Variants in MED12L observed in about 807,000 individuals in gnomAD.
MED12L encodes the protein mediator of RNA polymerase II transcription subunit 12-like protein.
In MED12L, 60 loss-of-function variants were observed where a neutral mutation model predicts 281.3. The ratio of observed to expected loss-of-function variants is 0.21; its 90% CI spans 0.17 to 0.26. MED12L has a LOEUF of 0.26. MED12L is among the 10% of genes least tolerant of loss of function. The probability of loss-of-function intolerance (pLI) is 1.00; values close to 1 mark genes in which losing one functional copy is unlikely to be tolerated. For synonymous variants in MED12L, 974 were observed against 987.2 expected (o/e 0.99, Z 0.25); for missense variants, 2,146 against 2,680.9 (o/e 0.80, Z 4.41).
At chr3:151,187,796 C>A (rs538858823) in intron 12 of MED12L, among the ~76,000 whole-genome samples, 68 of 152,296 alleles carry the variant, frequency 4.5e-4, no homozygotes, top group African/African-American at 1.6e-3. Context: ...TACCATGTTT[C>A]TCCAAAAACA....
intron 11 of MED12L, 61 bp downstream of exon 11, chr3:151,166,043 C>T (rs1357914065): frequency 6.9e-7 from 1 of 1,459,424 alleles, no homozygotes; most frequent in Admixed American, 2.0e-5. Context: ...TTTCTTCTTT[C>T]TCATTCAGGA....
intron 9 of MED12L, among the ~76,000 whole-genome samples, 169 bp downstream of exon 9, chr3:151,164,211 T>C (rs1347324367): frequency 1.3e-5 from 2 of 152,232 alleles, no homozygotes; most frequent in Admixed American, 6.5e-5. Context: ...TCAGAACCAC[T>C]GAAATTCTCG....
intron 16 of MED12L, among the ~76,000 whole-genome samples, chr3:151,224,083 A>C (rs1729976674): frequency 6.6e-6 from 1 of 152,172 alleles, no homozygotes; most frequent in Non-Finnish European, 1.5e-5. Context: ...TAGTGTCTGC[A>C]CTTCTGTTTT....
chr3:151,158,676 T>C lies in MED12L; in HGVS notation c.727-13T>C. 1.3e-6 allele frequency: 2 copies of C among 1,551,858 alleles called. No individual in the cohort carries two copies. Among genetic ancestry groups the C allele is most frequent in the Non-Finnish European group, 1.8e-6 (2 of 1,129,628 alleles). On this transcript the variant is annotated splice_polypyrimidine_tract_variant and intron_variant, in intron 6 of 44. Transcript: ENST00000687756. The stretch of plus-strand genomic sequence containing the variant: ...TTAACATTATTAATGTAATTTTTCT[T>C]TGTTCATTTAAGGAAGGAATGTTAG...
chr3:151,402,400 G>C (rs1254564800), intron 39 of MED12L, among the ~76,000 whole-genome samples: 2 of 152,178 alleles, frequency 1.3e-5, no homozygotes, highest in Non-Finnish European at 2.9e-5. Context: ...AATATTTGCT[G>C]TCTACTGTGA....
intron 16 of MED12L, among the ~76,000 whole-genome samples, chr3:151,345,727 A>C (rs1337918412): frequency 6.6e-6 from 1 of 151,984 alleles, no homozygotes; most frequent in Non-Finnish European, 1.5e-5. Flanking sequence ...CATGTTGGCC[A>C]GGCTGGTCTC....
In MED12L at chr3:151,307,533, CTGTGTGTGTGTGTGTGTGTGTG is replaced by C. The variant is rs67391329; in HGVS notation, c.2251-42494_2251-42473del. 2.3e-3 allele frequency among the ~76,000 whole-genome samples: 322 copies of C among 137,800 alleles called. 3 individuals are homozygous for C. Among genetic ancestry groups the C allele is most frequent in the Admixed American group, 2.2e-3 (31 of 13,908 alleles). The allele number at this position is 137,800 out of a possible 152,430, so 90.4% of individuals were successfully genotyped here. On this transcript the variant is annotated intron_variant, in intron 16 of 44. Coordinates refer to ENST00000687756, the MANE Select transcript of MED12L (RefSeq NM_001393769.1). ...TTTAGGTGACCTCAGGTAACTTGCTCTGTGTGTGTGTGTGTGTGTGTGTGTGTGTGTGTGTGTGTGTGTGTGT... is the reference window on the plus strand; with the variant it reads ...TTTAGGTGACCTCAGGTAACTTGCTCTGTGTGTGTGTGTGTGTGTGTGTGT...
intron 16 of MED12L, among the ~76,000 whole-genome samples, chr3:151,290,858 T>C (rs572661480): frequency 3.3e-5 from 5 of 152,344 alleles, no homozygotes; most frequent in Admixed American, 2.0e-4. Context: ...TCACCTGTTT[T>C]GTGAATTTTA....
chr3:151,130,063 A>G (rs778984348), intron 5 of MED12L, among the ~76,000 whole-genome samples: 1 of 151,992 alleles, frequency 6.6e-6, no homozygotes, highest in Non-Finnish European at 1.5e-5. Context: ...CCACTGCCCA[A>G]CCAGTCTCCA....
intron 16 of MED12L, among the ~76,000 whole-genome samples, chr3:151,349,600 A>G (rs776234886): frequency 5.7e-4 from 86 of 151,818 alleles, no homozygotes; most frequent in Non-Finnish European, 4.4e-5. Flanking sequence ...TATTTTTTAT[A>G]AAGGTGTTTG....
intron 5 of MED12L, among the ~76,000 whole-genome samples, chr3:151,136,379 TCA>T (rs1369815517): frequency 1.3e-5 from 2 of 152,256 alleles, no homozygotes; most frequent in Non-Finnish European, 2.9e-5. Flanking sequence ...CTCCACATTT[TCA>T]CAGTGTTCCT....
chr3:151,291,188 T>G (rs1322700022), intron 16 of MED12L, among the ~76,000 whole-genome samples: 2 of 151,720 alleles, frequency 1.3e-5, no homozygotes, highest in Admixed American at 6.6e-5. Context: ...TTTTTTCTAG[T>G]ATGTCACATT....
chr3:151,208,890 C>T (rs1385423751), intron 16 of MED12L, among the ~76,000 whole-genome samples: 1 of 151,946 alleles, frequency 6.6e-6, no homozygotes, highest in Non-Finnish European at 1.5e-5. Context: ...GTATGGGCTT[C>T]CCTTGCCATG....
intron 16 of MED12L, among the ~76,000 whole-genome samples, chr3:151,343,447 A>G (rs1752127462): frequency 6.6e-6 from 1 of 152,196 alleles, no homozygotes. Context: ...CCACATACCT[A>G]TTTACAAACC....
Position 151,411,317 on chromosome 3 carries a change from C to T in MED12L, c.5950C>T (p.Pro1984Ser). The change falls in exon 41 of 45, where the codon CCT (proline) becomes TCT (serine). Residue 1984 changes from proline (P) to serine (S), a missense_variant. Around this residue, in one of 9 missense-constraint regions of MED12L, gnomAD observed 496 missense variants for 512.0 expected, o/e 0.97. Transcript: ENST00000687756. The stretch of plus-strand genomic sequence containing the variant: ...CTATACAATGTATGGGACACAGATG[C>T]CTTTGCAGCAGACATCGCAGCAGCA... ...QGYTMYGTQM[P>S]LQQTSQQQAG... The T allele has an allele frequency of 6.2e-7, 1 of 1,614,208 alleles. No homozygotes were observed.
At position 151,218,998 on chromosome 3, in the gene MED12L, A is replaced by T. The variant is rs371001638; in HGVS notation, c.2250+25332A>T. ...ATATATGAGAATGAAGTGGTCTGAA[A>T]TGTTTTAGCCTACATTGTCTACTGT... On this transcript the variant is annotated intron_variant, in intron 16 of 44. Transcript: ENST00000687756. 2.2e-3 allele frequency among the ~76,000 whole-genome samples: 331 copies of T among 151,978 alleles called. 7 individuals carry two copies. In the South Asian group the frequency reaches 0.057, roughly 26 times the overall value.
intron 16 of MED12L, chr3:151,340,743 A>G (rs1466414402): frequency 6.6e-6 from 1 of 152,576 alleles, no homozygotes; most frequent in Non-Finnish European, 1.5e-5. Flanking sequence ...AGTTTTCGTC[A>G]GTAAAGTCTT....
chr3:151,391,466 C>T (rs2108229698), intron 38 of MED12L, among the ~76,000 whole-genome samples: 1 of 152,300 alleles, frequency 6.6e-6, no homozygotes, highest in South Asian at 2.1e-4. Context: ...CTCTGTTTCT[C>T]TCTTTTTTCT....
intron 32 of MED12L, among the ~76,000 whole-genome samples, chr3:151,380,834 G>A (rs753498294): frequency 3.3e-5 from 5 of 152,148 alleles, no homozygotes; most frequent in Admixed American, 6.5e-5. Flanking sequence ...AGAGGACCTG[G>A]AGCAATCTAT....
Sources: gnomAD v4.1 joint callset for allele counts (sites outside exome capture counted in the v4.1 genomes callset) on GRCh38, gnomAD v4.1.1 for gene constraint, gnomAD v4.1.1 regional missense constraint, MANE v1.5 for transcripts, NCBI Gene and HGNC (gene_info 2026-07-23, HGNC 2026-07-21) for gene names.